Variants in NEK6 observed in about 807,000 individuals in gnomAD.
NEK6 encodes the protein NIMA related kinase 6.
NEK6 carries 27 observed loss-of-function variants against 43.5 expected under a neutral mutation model. That is an observed-to-expected ratio of 0.62 (90% CI 0.46 to 0.86). The LOEUF (loss-of-function observed/expected upper bound fraction) is 0.86. Ranked by LOEUF, NEK6 falls within the 40% of genes least tolerant of loss-of-function variation. NEK6 has a pLI of 0.00. For missense variants in NEK6, 318 were observed against 414.4 expected, an observed-to-expected ratio of 0.77 and a Z score of 2.02; for synonymous variants, 167 against 164.1, an observed-to-expected ratio of 1.02 and a Z score of -0.14.
chr9:124,343,280 G>A lies in NEK6; in HGVS notation c.717+3615G>A, dbSNP rs1393432391. ...CGGGGGGTGGTACGGGGGATGGATC[G>A]CAGCTGGGGAGGTACCGATCGCAGC... On this transcript the variant is annotated intron_variant, in intron 8 of 9. Coordinates refer to ENST00000320246, the MANE Select transcript of NEK6 (RefSeq NM_014397.6). The surrounding 1 kb of genome is among the most constrained non-coding windows in gnomAD (Gnocchi z 5.1). Among the ~76,000 whole-genome samples the A allele has an allele frequency of 6.8e-6, 1 of 147,012 alleles. No homozygotes were observed.
intron 7 of NEK6, among the ~76,000 whole-genome samples, chr9:124,330,951 A>G (rs1564653366): frequency 6.6e-6 from 1 of 152,206 alleles, no homozygotes; most frequent in African/African-American, 2.4e-5. Flanking sequence ...CGGAGAAAAA[A>G]GAGTTCAAAA....
chr9:124,336,728 G>T (rs1197374199), intron 7 of NEK6, among the ~76,000 whole-genome samples: 1 of 152,200 alleles, frequency 6.6e-6, no homozygotes, highest in Non-Finnish European at 1.5e-5. Flanking sequence ...TCCAGGCCAG[G>T]CTGGGTGCAG....
chr9:124,292,309 G>C, intron 1 of NEK6: 1 of 1,394,448 alleles, frequency 7.2e-7, no homozygotes, highest in South Asian at 1.5e-5. Flanking sequence ...CCACTAGCCT[G>C]GGACAGGGGT....
chr9:124,291,068 C>T (rs1030238855), intron 1 of NEK6, among the ~76,000 whole-genome samples: 4 of 152,192 alleles, frequency 2.6e-5, no homozygotes, highest in Non-Finnish European at 4.4e-5. Flanking sequence ...AAATAACAAC[C>T]CCACTGATGG....
intron 8 of NEK6, among the ~76,000 whole-genome samples, chr9:124,345,173 C>A (rs567411648): frequency 6.6e-6 from 1 of 152,330 alleles, no homozygotes; most frequent in African/African-American, 2.4e-5. Context: ...GCGCTGAGAG[C>A]CGTGGCCTCG....
chr9:124,284,032 G>C (rs1041995773), intron 1 of NEK6, among the ~76,000 whole-genome samples: 1 of 152,210 alleles, frequency 6.6e-6, no homozygotes, highest in African/African-American at 2.4e-5. Flanking sequence ...TCTGCTGTGT[G>C]GCTTGGTTTC....
At chr9:124,311,739 G>A (rs1177348473) in intron 2 of NEK6, among the ~76,000 whole-genome samples, 1 of 152,198 alleles carries the variant, frequency 6.6e-6, no homozygotes, top group Non-Finnish European at 1.5e-5. Context: ...ACCCAGGCTG[G>A]AGTGCAGTGG....
rs769478376 is a variant in NEK6 at position 124,302,038 on chromosome 9, A to G, written c.74A>G (p.His25Arg). Residue 25 changes from histidine (H) to arginine (R), a missense_variant, in exon 2 of 10, where the codon CAT becomes CGT. Physicochemically the swap from His to Arg is conservative, Grantham distance 29 (BLOSUM62 0). This residue lies in a region of NEK6 where 239 missense variants were observed against 344.4 expected (regional missense o/e 0.69). Transcript: ENST00000320246. ...CTCTGCCACACCCTGGGGCCTGTGC[A>G]TCCTCCTGACCCACAGGTAAGCCCC... Reference protein sequence around the residue: ...NNLCHTLGPVHPPDPQRHPNT... With the variant: ...NNLCHTLGPVRPPDPQRHPNT... 5 of 1,603,896 alleles carry G rather than the reference A, an allele frequency of 3.1e-6. No individual in the cohort carries two copies. Among genetic ancestry groups the G allele is most frequent in the Middle Eastern group, 1.7e-4 (1 of 6,046 alleles).
rs191432017 is a variant in NEK6 at position 124,289,155 on chromosome 9, C to G, written c.-29-12781C>G. ...GCCACCACGCCTGACCTAGTTAAGACTTTGATTGGACACCCCCCCCGCCCC... is the reference window on the plus strand; with the variant it reads ...GCCACCACGCCTGACCTAGTTAAGAGTTTGATTGGACACCCCCCCCGCCCC... On this transcript the variant is annotated intron_variant, in intron 1 of 9. Transcript: ENST00000320246. Among the ~76,000 whole-genome samples, 834 of 138,646 alleles carry G rather than the reference C, an allele frequency of 6.0e-3. 4 individuals are homozygous for G. The highest frequency in any genetic ancestry group is 9.5e-3 in the Non-Finnish European group (623 of 65,258). The allele number at this position is 138,646 out of a possible 152,430, so 91.0% of individuals were successfully genotyped here.
In NEK6 at chr9:124,343,208, G is replaced by A. The variant is rs1370442068; in HGVS notation, c.717+3543G>A. Reference sequence around the variant, plus strand: ...AGTGGGGCTGTGCGGCTCGCAGCTGGGGGGGCTGGACCACAGCCGGGGGGC... The same window carrying A: ...AGTGGGGCTGTGCGGCTCGCAGCTGAGGGGGCTGGACCACAGCCGGGGGGC... On this transcript the variant is annotated intron_variant, in intron 8 of 9. Coordinates refer to ENST00000320246, the MANE Select transcript of NEK6 (RefSeq NM_014397.6). This position sits in a 1 kb window ranked among gnomAD's most constrained non-coding sequence, Gnocchi z 5.1. Among the ~76,000 whole-genome samples the A allele has an allele frequency of 6.6e-6, 1 of 151,616 alleles. No individual in the cohort carries two copies. The highest frequency in any genetic ancestry group is 1.5e-5 in the Non-Finnish European group (1 of 67,870).
In NEK6 at chr9:124,353,300, T is replaced by C. The variant is rs1830346588; in HGVS notation, c.*2353T>C. 2 of 402,576 alleles carry C rather than the reference T, an allele frequency of 5.0e-6. No individual in the cohort carries two copies. The highest frequency in any genetic ancestry group is 8.9e-6 in the Non-Finnish European group (2 of 223,670). The allele number at this position is 402,576 out of a possible 1,614,324, so 24.9% of individuals were successfully genotyped here. On this transcript the variant is annotated 3_prime_UTR_variant, in exon 10 of 10. Coordinates refer to ENST00000320246, the MANE Select transcript of NEK6 (RefSeq NM_014397.6). ...AGCCTCAAGGGAGTCCACTCTGACTTCTGACAGCAGACAGAACCTATCTGT... is the reference window on the plus strand; with the variant it reads ...AGCCTCAAGGGAGTCCACTCTGACTCCTGACAGCAGACAGAACCTATCTGT...
chr9:124,278,580 C>T (rs1041786292), intron 1 of NEK6, among the ~76,000 whole-genome samples: 1 of 152,202 alleles, frequency 6.6e-6, no homozygotes, highest in African/African-American at 2.4e-5. Flanking sequence ...CAACAGGGGG[C>T]TCAGCCACAC....
chr9:124,341,200 A>G (rs562948387), intron 8 of NEK6, among the ~76,000 whole-genome samples: 4 of 152,210 alleles, frequency 2.6e-5, no homozygotes, highest in Admixed American at 2.6e-4. Context: ...CCGCCACCCC[A>G]CCCGGCAAAT....
chr9:124,315,769 G>A (rs1833782275), intron 4 of NEK6, among the ~76,000 whole-genome samples: 1 of 152,250 alleles, frequency 6.6e-6, no homozygotes, highest in African/African-American at 2.4e-5. Flanking sequence ...CATGGCTGCA[G>A]AGGGGATTTG....
intron 8 of NEK6, among the ~76,000 whole-genome samples, chr9:124,344,850 C>T (rs1393696804): frequency 6.6e-6 from 1 of 152,198 alleles, no homozygotes; most frequent in Non-Finnish European, 1.5e-5. Context: ...TTGGCCGGGA[C>T]GCCGCTTTGG....
intron 4 of NEK6, among the ~76,000 whole-genome samples, chr9:124,315,571 C>T (rs1833771969): frequency 6.6e-6 from 1 of 152,204 alleles, no homozygotes; most frequent in Non-Finnish European, 1.5e-5. Flanking sequence ...AGCTTGCTGC[C>T]ACTTACCCAG....
At position 124,347,739 on chromosome 9, in the gene NEK6, G is replaced by T; in HGVS notation, c.748G>T (p.Asp250Tyr). The change falls in exon 9 of 10, where the codon GAT (aspartate) becomes TAT (tyrosine). Residue 250 changes from aspartate to tyrosine, a missense_variant. By Grantham distance (160) the Asp-to-Tyr change is radical (BLOSUM62 -3). Transcript: ENST00000320246. Reference sequence around the variant, plus strand: ...AGCCCTCCAGAGCCCCTTCTATGGAGATAAGATGAATCTCTTCTCCCTGTG... The same window carrying T: ...AGCCCTCCAGAGCCCCTTCTATGGATATAAGATGAATCTCTTCTCCCTGTG... ...MAALQSPFYG[D>Y]KMNLFSLCQK... 1.2e-6 allele frequency: 2 copies of T among 1,612,730 alleles called. No homozygotes were observed. Among genetic ancestry groups the T allele is most frequent in the South Asian group, 1.1e-5 (1 of 90,786 alleles).
At chr9:124,347,496 A>C (rs1207626113) in intron 8 of NEK6, among the ~76,000 whole-genome samples, 2 of 152,152 alleles carry the variant, frequency 1.3e-5, no homozygotes, top group East Asian at 1.9e-4. Context: ...CCTCGTGCCC[A>C]CTTAATCCAG....
At position 124,303,796 on chromosome 9, in the gene NEK6, G is replaced by C. The variant is rs1184090233; in HGVS notation, c.90+1742G>C. Among the ~76,000 whole-genome samples the C allele has an allele frequency of 2.6e-5, 4 of 152,128 alleles. No individual in the cohort carries two copies. In the East Asian group the frequency reaches 5.8e-4, roughly 22 times the overall value. ...GGCTGGGGGCAGCAGGGCCTCCTCG[G>C]GTAATGTAGCAATTTGTCATATTAA... On this transcript the variant is annotated intron_variant, in intron 2 of 9. Transcript: ENST00000320246.
Sources: allele counts gnomAD v4.1 joint callset (sites outside exome capture counted in the v4.1 genomes callset), GRCh38; gene constraint gnomAD v4.1.1; regional missense constraint gnomAD v4.1.1; non-coding constraint Gnocchi (gnomAD v3.1); transcripts MANE v1.5; gene names NCBI Gene and HGNC (gene_info 2026-07-23, HGNC 2026-07-21).